The following ANKRD36 variants were observed in gnomAD, a reference collection of about 807,000 sequenced individuals.
ANKRD36 encodes the protein ankyrin repeat domain 36, also known as ankyrin repeat domain-containing protein 36A.
In ANKRD36, 179 loss-of-function variants were observed where a neutral mutation model predicts 278.1. The ratio of observed to expected loss-of-function variants is 0.64; its 90% CI spans 0.57 to 0.73. The LOEUF is 0.73. Among genes scored for constraint, ANKRD36 ranks in the 30% least tolerant of loss-of-function variants. The pLI, the probability that ANKRD36 is intolerant of heterozygous loss-of-function variation, is 0.00. For synonymous variants in ANKRD36, 320 were observed against 641.1 expected, an observed-to-expected ratio of 0.50 and a Z score of 7.57; for missense variants, 1,159 against 1,956.7, an observed-to-expected ratio of 0.59 and a Z score of 7.69.
chr2:97,206,834 T>C (rs1422581188), intron 52 of ANKRD36, among the ~76,000 whole-genome samples: 2 of 151,530 alleles, frequency 1.3e-5, no homozygotes, highest in African/African-American at 4.8e-5. Flanking sequence ...TTGTTGATTT[T>C]AGGTATAGAA....
intron 4 of ANKRD36, among the ~76,000 whole-genome samples, chr2:97,123,491 C>A (rs554439614): frequency 1.2e-5 from 1 of 83,526 alleles, no homozygotes; most frequent in East Asian, 2.2e-4. Context: ...TGGGTTTAAT[C>A]CCTAGCTTTC....
intron 75 of ANKRD36, among the ~76,000 whole-genome samples, chr2:97,260,381 C>CAT (rs2076596298): frequency 9.8e-6 from 1 of 101,556 alleles, no homozygotes; most frequent in African/African-American, 4.6e-5. Flanking sequence ...TATATATATA[C>CAT]ACACATATAT....
chr2:97,227,379 T>C (rs530532277), intron 67 of ANKRD36, among the ~76,000 whole-genome samples: 2 of 152,260 alleles, frequency 1.3e-5, no homozygotes, highest in East Asian at 3.9e-4. Flanking sequence ...TTTTATTCTC[T>C]TTGAAGCAAT....
intron 4 of ANKRD36, among the ~76,000 whole-genome samples, chr2:97,123,793 C>T (rs2037657502): frequency 7.9e-6 from 1 of 126,030 alleles, no homozygotes; most frequent in Admixed American, 8.0e-5. Context: ...ACAATATATA[C>T]TTTATAGATA....
chr2:97,151,192 T>A (rs1311848249), intron 12 of ANKRD36, among the ~76,000 whole-genome samples: 4 of 152,036 alleles, frequency 2.6e-5, no homozygotes, highest in Admixed American at 2.6e-4. Context: ...AGACCACATG[T>A]CTTTAGTGTC....
In ANKRD36 at chr2:97,202,194, C is replaced by T. The variant is rs1204863436; in HGVS notation, c.2858-8C>T. 1 of 1,609,382 alleles carries T rather than the reference C, an allele frequency of 6.2e-7. No individual in the cohort carries two copies. The highest frequency in any genetic ancestry group is 1.1e-5 in the South Asian group (1 of 90,814). On this transcript the variant is annotated splice_region_variant and splice_polypyrimidine_tract_variant and intron_variant, in intron 46 of 75. Coordinates refer to ENST00000420699, the MANE Select transcript of ANKRD36 (RefSeq NM_001354587.1). ...TATGACTGATTATGAATCCCTTTTG[C>T]TTTTCAGTGTCTTCTCAGAAACCAC...
At chr2:97,230,457 C>T (rs1333426078) in intron 67 of ANKRD36, among the ~76,000 whole-genome samples, 14 of 152,222 alleles carry the variant, frequency 9.2e-5, no homozygotes, top group East Asian at 7.8e-4. Flanking sequence ...GCACTCTTCA[C>T]GTAGTTCTCG....
chr2:97,142,974 C>G lies in ANKRD36; in HGVS notation c.901+139C>G, dbSNP rs1191038735. 57 of 1,195,912 alleles carry G rather than the reference C, an allele frequency of 4.8e-5. 1 individual carries two copies. In the South Asian group the frequency reaches 9.1e-4, roughly 19 times the overall value. 74.1% of individuals were successfully genotyped at this position (1,195,912 alleles called of 1,614,324 possible). On this transcript the variant is annotated intron_variant, in intron 8 of 75. Transcript: ENST00000420699. Reference sequence around the variant, plus strand: ...TGAGATTCTGCTTTTGTGATAAGTTCTCGGGTGACGCCGATGCTACTGGTC... The same window carrying G: ...TGAGATTCTGCTTTTGTGATAAGTTGTCGGGTGACGCCGATGCTACTGGTC...
intron 24 of ANKRD36, among the ~76,000 whole-genome samples, chr2:97,181,352 T>C (rs978710302): frequency 2.5e-4 from 38 of 151,496 alleles, no homozygotes; most frequent in Admixed American, 7.9e-4. Flanking sequence ...ACGGTTTTAT[T>C]TTAGTTTTAG....
intron 75 of ANKRD36, among the ~76,000 whole-genome samples, chr2:97,257,872 TTCTGATAGCAACTTC>T (rs1184155576): frequency 3.8e-5 from 3 of 79,430 alleles, no homozygotes; most frequent in Non-Finnish European, 7.2e-5. Flanking sequence ...CTCTAACAAC[TTCTGATAGCAACTTC>T]TCTTTAATTG....
chr2:97,132,086 CAA>C (rs372328119), intron 6 of ANKRD36, among the ~76,000 whole-genome samples: 34 of 151,896 alleles, frequency 2.2e-4, no homozygotes, highest in East Asian at 1.2e-3. Context: ...CCCAGCCTCC[CAA>C]AGTGTTTGGA....
At chr2:97,204,298 T>C (rs1314580454) in intron 50 of ANKRD36, 35 bp downstream of exon 50, 3 of 1,530,764 alleles carry the variant, frequency 2.0e-6, no homozygotes, top group Admixed American at 4.1e-5. Flanking sequence ...TCATGTTCAG[T>C]GCAGATAGAT....
In ANKRD36 at chr2:97,211,747, T is replaced by C; in HGVS notation, c.3469+6T>C. On this transcript the variant is annotated splice_donor_region_variant and intron_variant, in intron 58 of 75. Coordinates refer to ENST00000420699, the MANE Select transcript of ANKRD36 (RefSeq NM_001354587.1). ...TGAACAAATATCTGGGACAGGTAATTTTGCAAACACATTTAATATGATGTT... is the reference window on the plus strand; with the variant it reads ...TGAACAAATATCTGGGACAGGTAATCTTGCAAACACATTTAATATGATGTT... 1 of 1,572,158 alleles carries C rather than the reference T, an allele frequency of 6.4e-7. No individual in the cohort carries two copies. Among genetic ancestry groups the C allele is most frequent in the South Asian group, 1.2e-5 (1 of 85,358 alleles).
intron 11 of ANKRD36, among the ~76,000 whole-genome samples, chr2:97,146,832 A>G (rs1035503288): frequency 7.9e-5 from 12 of 151,770 alleles, no homozygotes; most frequent in Non-Finnish European, 1.3e-4. Context: ...ATAGATGGAT[A>G]CAGACCTATG....
intron 4 of ANKRD36, among the ~76,000 whole-genome samples, chr2:97,123,806 A>G (rs1319279649): frequency 1.4e-5 from 2 of 145,656 alleles, no homozygotes; most frequent in African/African-American, 5.1e-5. Flanking sequence ...TATAGATAAT[A>G]TATAATACAC....
chr2:97,195,637 C>T (rs1424598836), intron 40 of ANKRD36, among the ~76,000 whole-genome samples: 3 of 151,988 alleles, frequency 2.0e-5, no homozygotes, highest in African/African-American at 7.2e-5. Flanking sequence ...ATGAGATAAA[C>T]TTGAATATGA....
intron 38 of ANKRD36, among the ~76,000 whole-genome samples, chr2:97,194,174 G>A (rs540806496): frequency 2.6e-5 from 4 of 151,574 alleles, no homozygotes; most frequent in African/African-American, 9.7e-5. Flanking sequence ...TATCTACTAG[G>A]TATCAGCAAA....
chr2:97,204,000 T>A (rs1190377993), intron 48 of ANKRD36, 68 bp from the exon 49 acceptor site: 117 of 1,535,428 alleles, frequency 7.6e-5, no homozygotes, highest in Non-Finnish European at 1.0e-4. Flanking sequence ...ATGCTAACAC[T>A]GCATGAATGT....
chr2:97,178,052 A>T (rs1366271726), intron 22 of ANKRD36, among the ~76,000 whole-genome samples: 18 of 150,638 alleles, frequency 1.2e-4, no homozygotes, highest in East Asian at 2.0e-4. Context: ...GAAGACATTT[A>T]TGCAGCCAAA....
Sources: allele counts gnomAD v4.1 joint callset (sites outside exome capture counted in the v4.1 genomes callset), GRCh38; gene constraint gnomAD v4.1.1; transcripts MANE v1.5; gene names NCBI Gene and HGNC (gene_info 2026-07-23, HGNC 2026-07-21).